The following NCK1 variants were observed in gnomAD, a reference collection of about 807,000 sequenced individuals.
The protein encoded by NCK1 is NCK adaptor protein 1.
In NCK1, 19 loss-of-function variants were observed where a neutral mutation model predicts 36.6. The observed-to-expected ratio is 0.52, with a 90% CI of 0.36 to 0.76. The LOEUF is 0.76. Ranked by LOEUF, NCK1 falls within the 30% of genes least tolerant of loss-of-function variation. The pLI is 0.00. For synonymous variants in NCK1, 165 were observed against 156.0 expected (o/e 1.06, Z -0.43); for missense variants, 358 against 445.6 (o/e 0.80, Z 1.77).
intron 1 of NCK1, among the ~76,000 whole-genome samples, chr3:136,873,308 G>C (rs1374330148): frequency 6.6e-6 from 1 of 152,148 alleles, no homozygotes; most frequent in East Asian, 1.9e-4. Flanking sequence ...AGATTTGACT[G>C]CCCTGCTGTA....
At chr3:136,880,565 T>A (rs1938904452) in intron 1 of NCK1, among the ~76,000 whole-genome samples, 1 of 152,102 alleles carries the variant, frequency 6.6e-6, no homozygotes, top group Admixed American at 6.6e-5. Flanking sequence ...ACAGTGAGAA[T>A]GTGTTTCCTT....
chr3:136,926,007 T>G (rs1012288649), intron 1 of NCK1, among the ~76,000 whole-genome samples: 2 of 152,182 alleles, frequency 1.3e-5, no homozygotes, highest in Non-Finnish European at 2.9e-5. Context: ...GTATTACCAC[T>G]CTTAGCCATT....
At chr3:136,942,211 A>G (rs1056875061) in intron 2 of NCK1, among the ~76,000 whole-genome samples, 12 of 152,116 alleles carry the variant, frequency 7.9e-5, no homozygotes, top group Non-Finnish European at 1.8e-4. Context: ...GGAATGTCTT[A>G]TGTTCTCCTT....
chr3:136,917,925 C>A lies in NCK1; in HGVS notation c.-18-10059C>A, dbSNP rs763662544. 3.8e-4 allele frequency among the ~76,000 whole-genome samples: 58 copies of A among 152,212 alleles called. 1 individual carries two copies. Among genetic ancestry groups the A allele is most frequent in the Admixed American group, 2.7e-3 (42 of 15,280 alleles). The stretch of plus-strand genomic sequence containing the variant: ...AGAATAAGACCAGAATCCATAGTCT[C>A]TATCTTACAACCAGTGGGTGTAAAT... On this transcript the variant is annotated intron_variant, in intron 1 of 3. Coordinates refer to ENST00000481752, the MANE Select transcript of NCK1 (RefSeq NM_001291999.2).
chr3:136,888,085 C>G (rs1391120346), intron 1 of NCK1, among the ~76,000 whole-genome samples: 1 of 152,024 alleles, frequency 6.6e-6, no homozygotes, highest in Admixed American at 6.6e-5. Context: ...GCTGGGATTA[C>G]AGGCGTCTGC....
intron 2 of NCK1, among the ~76,000 whole-genome samples, chr3:136,935,189 C>T (rs552632744): frequency 3.4e-4 from 52 of 152,238 alleles, no homozygotes; most frequent in African/African-American, 1.2e-3. Context: ...TGTGAGCCCC[C>T]GTGCTGGGCC....
At chr3:136,886,171 C>G (rs1406232149) in intron 1 of NCK1, among the ~76,000 whole-genome samples, 1 of 151,928 alleles carries the variant, frequency 6.6e-6, no homozygotes, top group Non-Finnish European at 1.5e-5. Context: ...TGTATTAACA[C>G]TAATTTCTTA....
intron 2 of NCK1, among the ~76,000 whole-genome samples, chr3:136,941,029 A>G (rs1940658117): frequency 6.6e-6 from 1 of 152,018 alleles, no homozygotes; most frequent in Admixed American, 6.6e-5. Context: ...ATATCTGATA[A>G]GGAAGGATTT....
chr3:136,886,089 G>GAA (rs1204645031), intron 1 of NCK1, among the ~76,000 whole-genome samples: 1 of 152,100 alleles, frequency 6.6e-6, no homozygotes, highest in Admixed American at 6.6e-5. Context: ...AAAGTAGTTT[G>GAA]AAACTAAATT....
chr3:136,894,321 C>T (rs943192731), intron 1 of NCK1, among the ~76,000 whole-genome samples: 7 of 152,122 alleles, frequency 4.6e-5, no homozygotes, highest in African/African-American at 1.7e-4. Flanking sequence ...AATCTAACTT[C>T]TCTACCCCTT....
intron 1 of NCK1, among the ~76,000 whole-genome samples, chr3:136,867,182 T>A (rs1202425861): frequency 1.3e-5 from 1 of 75,066 alleles, no homozygotes; most frequent in Non-Finnish European, 3.4e-5. Flanking sequence ...CCTTCCTTCT[T>A]TCTTTCTTTT....
At chr3:136,943,347 A>G (rs770029732) in intron 2 of NCK1, among the ~76,000 whole-genome samples, 1 of 152,206 alleles carries the variant, frequency 6.6e-6, no homozygotes, top group Non-Finnish European at 1.5e-5. Flanking sequence ...GAAGAAGTTG[A>G]TTTAGGGGTA....
At chr3:136,919,955 T>C (rs114214625) in intron 1 of NCK1, among the ~76,000 whole-genome samples, 4 of 152,266 alleles carry the variant, frequency 2.6e-5, no homozygotes, top group African/African-American at 9.6e-5. Flanking sequence ...AATACCCAAG[T>C]GACTAAGTCC....
At chr3:136,889,044 A>ATTTTTTTTTTTTTTTTTTTT (rs58385753) in intron 1 of NCK1, 1 of 91,196 alleles carries the variant, frequency 1.1e-5, no homozygotes, top group Non-Finnish European at 2.0e-5. Context: ...TAATTTTTTG[A>ATTTTTTTTTTTTTTTTTTTT]TTTTTTTTTT....
At chr3:136,895,626 A>T (rs969549838) in intron 1 of NCK1, among the ~76,000 whole-genome samples, 2 of 151,986 alleles carry the variant, frequency 1.3e-5, no homozygotes, top group African/African-American at 4.8e-5. Context: ...GTGCAGTGGC[A>T]CAATCTCGGC....
At chr3:136,923,715 A>G (rs1473713562) in intron 1 of NCK1, among the ~76,000 whole-genome samples, 1 of 152,226 alleles carries the variant, frequency 6.6e-6, no homozygotes, top group Non-Finnish European at 1.5e-5. Context: ...ACATTCATAT[A>G]AACAATATTA....
chr3:136,913,562 C>T (rs1373498556), intron 1 of NCK1, among the ~76,000 whole-genome samples: 3 of 152,192 alleles, frequency 2.0e-5, no homozygotes, highest in Non-Finnish European at 2.9e-5. Context: ...GACACTGCAC[C>T]CAGCCCTTTT....
At chr3:136,938,302 A>G (rs1034818691) in intron 2 of NCK1, among the ~76,000 whole-genome samples, 28 of 152,192 alleles carry the variant, frequency 1.8e-4, no homozygotes, top group Non-Finnish European at 3.7e-4. Context: ...CCTAGTACAA[A>G]TGATCCTTAT....
At chr3:136,877,760 G>A (rs1390568161) in intron 1 of NCK1, among the ~76,000 whole-genome samples, 2 of 152,134 alleles carry the variant, frequency 1.3e-5, no homozygotes, top group African/African-American at 2.4e-5. Flanking sequence ...CCTAAGTGGC[G>A]GGAGCAAAAG....
Sources: gnomAD v4.1 joint callset for allele counts (sites outside exome capture counted in the v4.1 genomes callset) on GRCh38, gnomAD v4.1.1 for gene constraint, MANE v1.5 for transcripts, NCBI Gene and HGNC (gene_info 2026-07-23, HGNC 2026-07-21) for gene names.